Variants in POLN observed in about 807,000 individuals in gnomAD.
POLN encodes the protein DNA polymerase nu.
A neutral mutation model predicts 113.5 loss-of-function variants in POLN; 108 were observed. The observed-to-expected ratio is 0.95, with a 90% CI of 0.81 to 1.12. The LOEUF is 1.12. POLN is among the 50% of genes most tolerant of loss of function. POLN has a pLI of 0.00. For synonymous variants in POLN, 386 were observed against 391.5 expected (o/e 0.99, Z 0.17); for missense variants, 1,097 against 1,077.1 (o/e 1.02, Z -0.26).
chr4:2,175,583 T>C (rs1732975124), intron 9 of POLN, among the ~76,000 whole-genome samples: 1 of 152,234 alleles, frequency 6.6e-6, no homozygotes, highest in Non-Finnish European at 1.5e-5. Context: ...ATCCGGGCCT[T>C]CCTGTGTTCT....
chr4:2,107,971 T>C (rs1184885320), intron 19 of POLN, among the ~76,000 whole-genome samples: 3 of 152,176 alleles, frequency 2.0e-5, no homozygotes, highest in African/African-American at 7.2e-5. Context: ...CATGACACCT[T>C]TGCGATGCTC....
chr4:2,224,563 T>G (rs1029038214), intron 3 of POLN, among the ~76,000 whole-genome samples: 3 of 152,198 alleles, frequency 2.0e-5, no homozygotes, highest in African/African-American at 7.2e-5. Flanking sequence ...TTTGTGTAAG[T>G]TGACTGTATG....
chr4:2,124,264 T>C (rs538554608), intron 19 of POLN, among the ~76,000 whole-genome samples: 2 of 152,208 alleles, frequency 1.3e-5, no homozygotes, highest in African/African-American at 4.8e-5. Flanking sequence ...TGGAATTAGA[T>C]AGTCGTGATT....
intron 19 of POLN, among the ~76,000 whole-genome samples, chr4:2,103,015 A>T (rs1291294992): frequency 6.6e-6 from 1 of 152,232 alleles, no homozygotes; most frequent in East Asian, 1.9e-4. Context: ...ATGAAAAAGC[A>T]AGGTAGTATG....
rs541822412 is a variant in POLN, at chr4:2,177,512, A to G, written c.1180-1178T>C. 5.9e-4 allele frequency among the ~76,000 whole-genome samples: 90 copies of G among 152,336 alleles called. 3 individuals carry two copies. The South Asian group carries it at 0.016, about 26-fold the overall frequency. ...CCTCATCCATGCCCTGCATGGCTCAACTACAGAGACATATCTGGCTGATGA... is the reference window on the plus strand; with the variant it reads ...CCTCATCCATGCCCTGCATGGCTCAGCTACAGAGACATATCTGGCTGATGA... On this transcript the variant is annotated intron_variant, in intron 8 of 25. Coordinates refer to ENST00000511885, the MANE Select transcript of POLN (RefSeq NM_181808.4).
intron 5 of POLN, among the ~76,000 whole-genome samples, chr4:2,202,723 C>CAAAAA (rs34712930): frequency 8.1e-5 from 3 of 36,848 alleles, no homozygotes; most frequent in East Asian, 7.5e-4. Context: ...GACTCTGTCT[C>CAAAAA]AAAAAAAAAA....
intron 2 of POLN, chr4:2,241,033 CG>C: frequency 1.1e-6 from 1 of 936,288 alleles, no homozygotes; most frequent in South Asian, 1.5e-5. Flanking sequence ...AAAAAAGCTA[CG>C]TTTTATACCA....
At chr4:2,234,891 TTTC>T (rs1053899302) in intron 2 of POLN, among the ~76,000 whole-genome samples, 6 of 151,978 alleles carry the variant, frequency 3.9e-5, no homozygotes, top group Non-Finnish European at 5.9e-5. Context: ...ATGGAGAAAT[TTTC>T]TTCTTTTTTG....
chr4:2,232,060 A>C (rs1734600108), intron 2 of POLN: 1 of 1,587,704 alleles, frequency 6.3e-7, no homozygotes, highest in Non-Finnish European at 8.6e-7. Context: ...ATTATTTGCC[A>C]AAGTTTTTCT....
At chr4:2,148,670 C>G (rs1324518879) in intron 16 of POLN, among the ~76,000 whole-genome samples, 1 of 62,632 alleles carries the variant, frequency 1.6e-5, no homozygotes, top group East Asian at 3.2e-4. Context: ...CTGTCCCCCC[C>G]CCAAAAAAAA....
chr4:2,187,441 A>G (rs1360718568), intron 7 of POLN, among the ~76,000 whole-genome samples: 1 of 151,948 alleles, frequency 6.6e-6, no homozygotes, highest in Non-Finnish European at 1.5e-5. Flanking sequence ...ACAGGGTTTC[A>G]CCATGTTGGC....
At position 2,174,057 on chromosome 4, in the gene POLN, A is replaced by T. The variant is rs774539206; in HGVS notation, c.1310-38T>A. The T allele has an allele frequency of 7.5e-6, 12 of 1,599,940 alleles. No homozygotes were observed. The Admixed American group carries it at 2.0e-4, about 27-fold the overall frequency. ...ACCCAAACCAGATCATATTTGCATT[A>T]ATGTATTCTTTTTACTAAAGACTAA... On this transcript the variant is annotated intron_variant, in intron 10 of 25. Transcript: ENST00000511885.
At chr4:2,099,351 G>C (rs1296503309) in intron 19 of POLN, among the ~76,000 whole-genome samples, 2 of 152,206 alleles carry the variant, frequency 1.3e-5, no homozygotes, top group Non-Finnish European at 2.9e-5. Flanking sequence ...GCAGGGGTAA[G>C]TCCTGTTGAC....
At chr4:2,231,948 CT>C in intron 2 of POLN, 2 of 1,394,682 alleles carry the variant, frequency 1.4e-6, no homozygotes, top group South Asian at 1.3e-5. Context: ...GACTAACAGC[CT>C]TAATCTTTGA....
intron 6 of POLN, among the ~76,000 whole-genome samples, chr4:2,196,034 G>A (rs1675255068): frequency 6.6e-6 from 1 of 152,102 alleles, no homozygotes; most frequent in Non-Finnish European, 1.5e-5. Context: ...TGAAAACTGG[G>A]ACAACCCAAT....
chr4:2,212,413 T>G (rs1001417325), intron 4 of POLN, among the ~76,000 whole-genome samples: 2 of 152,210 alleles, frequency 1.3e-5, no homozygotes, highest in African/African-American at 4.8e-5. Flanking sequence ...CTTGCTCTGT[T>G]GCCCAGGCTG....
chr4:2,161,259 G>A (rs949152209), intron 13 of POLN, among the ~76,000 whole-genome samples: 2 of 152,262 alleles, frequency 1.3e-5, no homozygotes, highest in African/African-American at 2.4e-5. Context: ...AGCTTGCAGG[G>A]AGGTGTGGCG....
At chr4:2,141,163 G>A (rs1731991809) in intron 16 of POLN, 1 of 152,276 alleles carries the variant, frequency 6.6e-6, no homozygotes, top group Admixed American at 6.5e-5. Flanking sequence ...TCTAGGTCAG[G>A]TAAGCTGAGA....
rs190627018 is a variant in POLN, at chr4:2,162,509, G to A, written c.1555-3298C>T. 4.6e-4 allele frequency among the ~76,000 whole-genome samples: 70 copies of A among 152,242 alleles called. 1 individual carries two copies. Among genetic ancestry groups the A allele is most frequent in the African/African-American group, 1.0e-3 (42 of 41,548 alleles). On this transcript the variant is annotated intron_variant, in intron 13 of 25. Transcript: ENST00000511885. ...GTGAGACCAAGAACCCACCAATTCC[G>A]GACACAGCACCATCTTGGCTCACTG...
Sources: gnomAD v4.1 joint callset for allele counts (sites outside exome capture counted in the v4.1 genomes callset) on GRCh38, gnomAD v4.1.1 for gene constraint, MANE v1.5 for transcripts, NCBI Gene and HGNC (gene_info 2026-07-23, HGNC 2026-07-21) for gene names.